Variants in PRELID2 observed in about 807,000 individuals in gnomAD.
The protein encoded by PRELID2 is PRELI domain-containing protein 2.
Under a neutral mutation model 28.4 loss-of-function variants are expected in PRELID2, and 25 were observed. The observed-to-expected ratio is 0.88, with a 90% CI of 0.64 to 1.23. The LOEUF (loss-of-function observed/expected upper bound fraction) is 1.23. PRELID2 is among the 50% of genes most tolerant of loss of function. PRELID2 has a pLI of 0.00. For missense variants in PRELID2, 201 were observed against 214.4 expected (o/e 0.94, Z 0.39); for synonymous variants, 76 against 71.6 (o/e 1.06, Z -0.31).
the PRELID2 span, among the ~76,000 whole-genome samples, chr5:145,241,944 A>T: frequency 2.6e-5 from 4 of 152,100 alleles, no homozygotes; most frequent in Admixed American, 2.6e-4. Flanking sequence ...ATGCTATTGC[A>T]TAAAAAAAAA....
chr5:145,796,671 AT>A (rs1237452001), intron 4 of PRELID2, 124 bp from the exon 5 acceptor site: 67 of 451,182 alleles, frequency 1.5e-4, no homozygotes, highest in African/African-American at 1.2e-3. Flanking sequence ...TAATAATTCA[AT>A]AACTACCTAT....
intron 1 of PRELID2, among the ~76,000 whole-genome samples, chr5:145,512,347 G>C (rs896984513): frequency 6.6e-6 from 1 of 152,072 alleles, no homozygotes; most frequent in African/African-American, 2.4e-5. Context: ...GGAAGTGCGC[G>C]GTTTTCCCCT....
At chr5:145,589,088 A>G (rs1753191970) in intron 1 of PRELID2, among the ~76,000 whole-genome samples, 1 of 152,160 alleles carries the variant, frequency 6.6e-6, no homozygotes, top group African/African-American at 2.4e-5. Context: ...AAAATGTAGC[A>G]ATTTTTTTGC....
chr5:145,229,160 C>T, the PRELID2 span: 2 of 971,502 alleles, frequency 2.1e-6, no homozygotes, highest in African/African-American at 1.6e-5. Context: ...GTGTGTCCCA[C>T]AGCCCCACAA....
the PRELID2 span, among the ~76,000 whole-genome samples, chr5:145,439,670 A>G: frequency 7.9e-5 from 12 of 151,724 alleles, no homozygotes; most frequent in East Asian, 1.7e-3. Flanking sequence ...CTCTATCTCC[A>G]TCCTATCCCT....
chr5:145,497,032 G>A (rs1752315337), intron 1 of PRELID2, among the ~76,000 whole-genome samples: 1 of 151,160 alleles, frequency 6.6e-6, no homozygotes, highest in Non-Finnish European at 1.5e-5. Context: ...TCAGTTATTT[G>A]TTTTTAATTT....
chr5:145,283,462 G>A, the PRELID2 span, among the ~76,000 whole-genome samples: 1 of 152,132 alleles, frequency 6.6e-6, no homozygotes, highest in African/African-American at 2.4e-5. Flanking sequence ...GGAAATCTGT[G>A]TTTAGAAGGC....
At chr5:145,511,899 C>T (rs1246435937) in intron 1 of PRELID2, among the ~76,000 whole-genome samples, 2 of 152,152 alleles carry the variant, frequency 1.3e-5, no homozygotes, top group Non-Finnish European at 2.9e-5. Flanking sequence ...AGAGATTATG[C>T]TAGCTTGGAC....
intron 1 of PRELID2, among the ~76,000 whole-genome samples, chr5:145,590,241 G>T (rs1361767339): frequency 1.3e-5 from 2 of 152,070 alleles, no homozygotes; most frequent in African/African-American, 4.8e-5. Flanking sequence ...TGGTTCCTTT[G>T]TCTCATTCTG....
the PRELID2 span, among the ~76,000 whole-genome samples, chr5:145,387,777 C>A: frequency 6.6e-6 from 1 of 151,576 alleles, no homozygotes; most frequent in African/African-American, 2.4e-5. Context: ...ACAAAAAATA[C>A]AAAAATTAGC....
At chr5:145,592,006 G>C (rs1053973046) in intron 1 of PRELID2, among the ~76,000 whole-genome samples, 11 of 152,174 alleles carry the variant, frequency 7.2e-5, no homozygotes, top group African/African-American at 2.7e-4. Context: ...AATGTGCTGA[G>C]AGAGAGGAAA....
rs954340663 is a variant in PRELID2 at position 145,479,425 on chromosome 5, G to C, written n.71-6110C>G. The stretch of plus-strand genomic sequence containing the variant: ...AACACTCCTACCTCCTGTTCATCCT[G>C]CAGAGCCCAGCATACATCACTCATC... On this transcript the variant is annotated intron_variant and non_coding_transcript_variant, in intron 1 of 2. Transcript: ENST00000510259. Among the ~76,000 whole-genome samples, 4 of 152,172 alleles carry C rather than the reference G, an allele frequency of 2.6e-5. No individual in the cohort carries two copies. In the East Asian group the frequency reaches 7.8e-4, roughly 29 times the overall value.
intron 1 of PRELID2, among the ~76,000 whole-genome samples, chr5:145,553,529 C>T (rs554909087): frequency 6.6e-6 from 1 of 152,248 alleles, no homozygotes. Flanking sequence ...TCATACTTGT[C>T]CCACAGTTCA....
At chr5:145,722,814 T>C (rs1196766640) in intron 1 of PRELID2, among the ~76,000 whole-genome samples, 3 of 152,136 alleles carry the variant, frequency 2.0e-5, no homozygotes, top group African/African-American at 7.2e-5. Context: ...ATTAATAATT[T>C]ATTTTAAAAA....
At chr5:145,455,227 A>C in the PRELID2 span, among the ~76,000 whole-genome samples, 1 of 151,934 alleles carries the variant, frequency 6.6e-6, no homozygotes, top group Non-Finnish European at 1.5e-5. Flanking sequence ...TCCCCACTGC[A>C]TGTTTTTGTC....
intron 1 of PRELID2, among the ~76,000 whole-genome samples, chr5:145,555,138 C>A (rs1263967385): frequency 1.3e-5 from 2 of 152,138 alleles, no homozygotes; most frequent in Non-Finnish European, 2.9e-5. Context: ...GAGTTTACAA[C>A]AGAGATTTCT....
At chr5:145,394,488 C>A in the PRELID2 span, among the ~76,000 whole-genome samples, 4 of 151,874 alleles carry the variant, frequency 2.6e-5, no homozygotes, top group Non-Finnish European at 4.4e-5. Flanking sequence ...TGCTAAATGA[C>A]AAGTTAATGG....
At chr5:145,448,090 A>C in the PRELID2 span, among the ~76,000 whole-genome samples, 1 of 152,130 alleles carries the variant, frequency 6.6e-6, no homozygotes, top group Non-Finnish European at 1.5e-5. Flanking sequence ...TCCCATCAAC[A>C]GTGTAAAAGT....
chr5:145,300,380 A>T, the PRELID2 span, among the ~76,000 whole-genome samples: 70 of 152,252 alleles, frequency 4.6e-4, no homozygotes, highest in African/African-American at 1.6e-3. Context: ...TTCCTACTCC[A>T]TTAGTATTGT....
Sources: gnomAD v4.1 joint callset for allele counts (sites outside exome capture counted in the v4.1 genomes callset) on GRCh38, gnomAD v4.1.1 for gene constraint, MANE v1.5 for transcripts, NCBI Gene and HGNC (gene_info 2026-07-23, HGNC 2026-07-21) for gene names.